The following NXPE4 variants were observed in gnomAD, a reference collection of about 807,000 sequenced individuals.
The protein encoded by NXPE4 is neurexophilin and PC-esterase domain family member 4, also known as NXPE family member 4.
NXPE4 carries 42 observed loss-of-function variants against 33.3 expected under a neutral mutation model. That is an observed-to-expected ratio of 1.26 (90% CI 0.98 to 1.63). The LOEUF (loss-of-function observed/expected upper bound fraction) is 1.63. Among genes scored for constraint, NXPE4 ranks in the 40% most tolerant of loss-of-function variants. The probability of loss-of-function intolerance (pLI) is 0.00; values close to 1 mark genes in which losing one functional copy is unlikely to be tolerated. For missense variants in NXPE4, 709 were observed against 647.6 expected, an observed-to-expected ratio of 1.09 and a Z score of -1.03; for synonymous variants, 253 against 234.9, an observed-to-expected ratio of 1.08 and a Z score of -0.71.
the NXPE4 span, among the ~76,000 whole-genome samples, chr11:114,634,005 A>G: frequency 3.3e-5 from 5 of 151,888 alleles, no homozygotes; most frequent in East Asian, 7.7e-4. Flanking sequence ...GTCAAATGGT[A>G]TTTCTAGTTC....
chr11:114,657,713 T>C, the NXPE4 span, among the ~76,000 whole-genome samples: 24 of 152,156 alleles, frequency 1.6e-4, no homozygotes, highest in Non-Finnish European at 2.9e-4. Flanking sequence ...AAATAGTCCA[T>C]AGATCATAAA....
chr11:114,600,966 C>A, the NXPE4 span, among the ~76,000 whole-genome samples: 8 of 151,956 alleles, frequency 5.3e-5, no homozygotes, highest in Admixed American at 6.6e-5. Flanking sequence ...ATATCGTATA[C>A]CAAATAATTT....
intron 5 of NXPE4, among the ~76,000 whole-genome samples, chr11:114,578,878 C>G (rs1235823244): frequency 1.3e-5 from 2 of 152,172 alleles, no homozygotes; most frequent in African/African-American, 4.8e-5. Flanking sequence ...ATAACAATTG[C>G]AATGGCTGTT....
At chr11:114,599,319 C>G (rs113067750), upstream of NXPE4, among the ~76,000 whole-genome samples, 409 of 152,232 alleles carry the variant, frequency 2.7e-3, 2 homozygotes, top group Admixed American at 4.6e-3. Flanking sequence ...CTTCATTGTC[C>G]ATATCACTAC....
Position 114,582,788 on chromosome 11 carries a change from CGT to C in NXPE4, c.328_329del (p.Thr110ValfsTer47). On this transcript the variant is annotated frameshift_variant, in exon 3 of 6. Coordinates refer to ENST00000375478, the MANE Select transcript of NXPE4 (RefSeq NM_001077639.2). LOFTEE classifies it high-confidence loss of function. Reference protein sequence around the residue: ...STATILNPRDTYCRGDQLHIL... With the variant: ...STATILNPRDXYCRGDQLHIL... ...TGTGCAGCTGGTCTCCCCTGCAGTA[CGT>C]ATCTCGAGGGTTGAGGATGGTGGCT... 6.2e-7 allele frequency: 1 copy of C among 1,614,116 alleles called. No individual in the cohort carries two copies. Among genetic ancestry groups the C allele is most frequent in the Non-Finnish European group, 8.5e-7 (1 of 1,179,984 alleles).
rs115035243 is a variant in NXPE4, at chr11:114,573,144, C to T, written c.1100-1671G>A. 4.4e-3 allele frequency among the ~76,000 whole-genome samples: 669 copies of T among 152,048 alleles called. 10 individuals are homozygous for T. The highest frequency in any genetic ancestry group is 0.015 in the African/African-American group (639 of 41,524). On this transcript the variant is annotated intron_variant, in intron 5 of 5. Transcript: ENST00000375478. ...GTAAATGAAGAAAAGATAGTCTTTT[C>T]GAGACAAATGCTGACAGAATTTGCC...
chr11:114,666,664 A>G, the NXPE4 span, among the ~76,000 whole-genome samples: 1 of 152,136 alleles, frequency 6.6e-6, no homozygotes, highest in Non-Finnish European at 1.5e-5. Flanking sequence ...TATCTGAAAT[A>G]TTATTCATGG....
chr11:114,583,843 CT>C (rs780456583), intron 2 of NXPE4: 7 of 393,286 alleles, frequency 1.8e-5, no homozygotes, highest in Non-Finnish European at 3.5e-5. Flanking sequence ...GGACTGTGTC[CT>C]TTCATAAATA....
chr11:114,583,293 A>T, intron 2 of NXPE4: 2 of 641,700 alleles, frequency 3.1e-6, no homozygotes, highest in Non-Finnish European at 5.8e-6. Context: ...GTCTGTTACT[A>T]CTACGATAGG....
the NXPE4 span, among the ~76,000 whole-genome samples, chr11:114,636,675 T>C: frequency 2.0e-5 from 3 of 152,052 alleles, no homozygotes; most frequent in Non-Finnish European, 2.9e-5. Flanking sequence ...TTTGTTCTCA[T>C]TGATTTCAAA....
At chr11:114,571,594 A>G in intron 5 of NXPE4, 121 bp from the exon 6 acceptor site, 1 of 934,944 alleles carries the variant, frequency 1.1e-6, no homozygotes. Flanking sequence ...CTAATTTATT[A>G]TAGGTTTAGA....
intron 2 of NXPE4, chr11:114,583,497 A>G: frequency 3.2e-6 from 2 of 628,474 alleles, no homozygotes; most frequent in Non-Finnish European, 6.2e-6. Context: ...ATCTATCCAG[A>G]TTACGTGTCT....
intron 5 of NXPE4, among the ~76,000 whole-genome samples, chr11:114,577,004 TAAAGTTATATATATATATATATAC>T (rs1237629524): frequency 3.2e-5 from 1 of 30,800 alleles, no homozygotes; most frequent in East Asian, 1.1e-3. Context: ...TATATATATA[TAAAGTTATATATATATATATATAC>T]ATATATATAT....
chr11:114,640,642 G>A, the NXPE4 span, among the ~76,000 whole-genome samples: 1 of 151,742 alleles, frequency 6.6e-6, no homozygotes, highest in Admixed American at 6.6e-5. Context: ...TTTTAATAAT[G>A]GCCATTCTGA....
chr11:114,603,506 G>A, the NXPE4 span, among the ~76,000 whole-genome samples: 7 of 150,994 alleles, frequency 4.6e-5, no homozygotes, highest in Admixed American at 4.6e-4. Context: ...ATTACCTGGT[G>A]GATGATAAGT....
chr11:114,668,687 C>T, the NXPE4 span, among the ~76,000 whole-genome samples: 1 of 152,020 alleles, frequency 6.6e-6, no homozygotes, highest in Non-Finnish European at 1.5e-5. Flanking sequence ...GAGACCATGA[C>T]TTATCTTTAT....
At chr11:114,639,865 T>TTTATA in the NXPE4 span, among the ~76,000 whole-genome samples, 1 of 52,656 alleles carries the variant, frequency 1.9e-5, no homozygotes, top group Non-Finnish European at 3.3e-5. Flanking sequence ...TATATTATAT[T>TTTATA]TTATATTAAA....
the NXPE4 span, among the ~76,000 whole-genome samples, chr11:114,641,950 G>A: frequency 6.6e-6 from 1 of 151,860 alleles, no homozygotes; most frequent in Non-Finnish European, 1.5e-5. Flanking sequence ...TTGACACAGA[G>A]GACATATTTT....
chr11:114,592,089 C>T (rs1272979467), intron 2 of NXPE4, among the ~76,000 whole-genome samples: 1 of 152,078 alleles, frequency 6.6e-6, no homozygotes, highest in African/African-American at 2.4e-5. Context: ...GTGAAAAAGT[C>T]AAAAGCCTTC....
Sources: allele counts gnomAD v4.1 joint callset (sites outside exome capture counted in the v4.1 genomes callset), GRCh38; gene constraint gnomAD v4.1.1; transcripts MANE v1.5; gene names NCBI Gene and HGNC (gene_info 2026-07-23, HGNC 2026-07-21).